RYK: variants seen among roughly 807,000 people sequenced by gnomAD.
The protein encoded by RYK is receptor like tyrosine kinase, also known as inactive tyrosine-protein kinase RYK.
RYK carries 21 observed loss-of-function variants against 70.2 expected under a neutral mutation model. That is an observed-to-expected ratio of 0.30 (90% CI 0.21 to 0.43). The LOEUF (loss-of-function observed/expected upper bound fraction) is 0.43. Among genes scored for constraint, RYK ranks in the 20% least tolerant of loss-of-function variants. The probability of loss-of-function intolerance (pLI) is 1.00; values close to 1 mark genes in which losing one functional copy is unlikely to be tolerated. For missense variants in RYK, 604 were observed against 753.3 expected (o/e 0.80, Z 2.32); for synonymous variants, 267 against 278.0 (o/e 0.96, Z 0.39).
chr3:134,220,941 G>A (rs1039411402), intron 2 of RYK, among the ~76,000 whole-genome samples: 16 of 152,042 alleles, frequency 1.1e-4, no homozygotes, highest in Non-Finnish European at 2.9e-5. Context: ...TCCCATCAAC[G>A]AGGTACTTCA....
At chr3:134,187,747 G>C (rs991134199) in intron 9 of RYK, among the ~76,000 whole-genome samples, 3 of 145,342 alleles carry the variant, frequency 2.1e-5, no homozygotes, top group Non-Finnish European at 3.0e-5. Flanking sequence ...TTGTAGAGAC[G>C]GGGGGTCTTG....
chr3:134,219,712 T>C (rs2014679232), intron 2 of RYK, among the ~76,000 whole-genome samples: 1 of 152,210 alleles, frequency 6.6e-6, no homozygotes, highest in Non-Finnish European at 1.5e-5. Context: ...GCAAGGGAAC[T>C]TAAAATTCAG....
At chr3:134,238,391 G>A (rs1200528531) in intron 1 of RYK, among the ~76,000 whole-genome samples, 2 of 152,190 alleles carry the variant, frequency 1.3e-5, no homozygotes, top group African/African-American at 4.8e-5. Context: ...AGGAGGATTA[G>A]AGAGAGCTTT....
At chr3:134,181,838 G>A (rs1025768922) in intron 10 of RYK, among the ~76,000 whole-genome samples, 3 of 152,132 alleles carry the variant, frequency 2.0e-5, no homozygotes, top group African/African-American at 7.2e-5. Context: ...TTTTGTTACA[G>A]TTCTGTGAAC....
At chr3:134,166,279 C>G (rs905571362) in intron 13 of RYK, among the ~76,000 whole-genome samples, 1 of 152,116 alleles carries the variant, frequency 6.6e-6, no homozygotes, top group African/African-American at 2.4e-5. Context: ...CATGAGGACC[C>G]AGAAGAGAGG....
chr3:134,249,384 AG>A (rs2015547531), intron 1 of RYK, among the ~76,000 whole-genome samples: 1 of 152,226 alleles, frequency 6.6e-6, no homozygotes, highest in African/African-American at 2.4e-5. Flanking sequence ...AAAAAAAAAT[AG>A]AATACTGACA....
intron 3 of RYK, among the ~76,000 whole-genome samples, 199 bp downstream of exon 3, chr3:134,211,307 CAG>C (rs1267972809): frequency 6.6e-6 from 1 of 152,182 alleles, no homozygotes; most frequent in African/African-American, 2.4e-5. Context: ...GGGCGGAGCA[CAG>C]AGAGTTCCAG....
chr3:134,209,345 G>A (rs1186537240), intron 4 of RYK, among the ~76,000 whole-genome samples: 1 of 152,158 alleles, frequency 6.6e-6, no homozygotes, highest in East Asian at 1.9e-4. Context: ...CAATGCTTCT[G>A]CATAAAAGTA....
intron 1 of RYK, among the ~76,000 whole-genome samples, chr3:134,235,047 T>C (rs766583619): frequency 6.6e-6 from 1 of 152,086 alleles, no homozygotes; most frequent in Non-Finnish European, 1.5e-5. Context: ...CAAAATGTGA[T>C]CAGCTATAAG....
chr3:134,215,353 C>T (rs1350990055), intron 2 of RYK, among the ~76,000 whole-genome samples: 1 of 152,154 alleles, frequency 6.6e-6, no homozygotes, highest in Non-Finnish European at 1.5e-5. Context: ...GTGCAAAGGG[C>T]TGAGGAGGAG....
At chr3:134,180,682 G>C (rs186133436) in intron 10 of RYK, 25 of 152,324 alleles carry the variant, frequency 1.6e-4, no homozygotes, top group African/African-American at 6.0e-4. Flanking sequence ...AACAAAATGT[G>C]TGATAGGCCC....
At chr3:134,213,802 A>C (rs910843757) in intron 2 of RYK, among the ~76,000 whole-genome samples, 6 of 151,940 alleles carry the variant, frequency 3.9e-5, no homozygotes. Flanking sequence ...TCTACTTTGA[A>C]GTTTATAACT....
intron 7 of RYK, 25 bp from the exon 8 acceptor site, chr3:134,191,999 A>C: frequency 6.2e-7 from 1 of 1,611,000 alleles, no homozygotes; most frequent in East Asian, 2.2e-5. Context: ...AAGCCAAACC[A>C]AGCAATATAA....
chr3:134,229,294 T>C lies in RYK; in HGVS notation c.233-6755A>G, dbSNP rs547781897. Reference sequence around the variant, plus strand: ...TCCGCCTCGCACTCTCTCTACTGCCTTCTCTCTCTCTCTCTCTCTCTCTTT... The same window carrying C: ...TCCGCCTCGCACTCTCTCTACTGCCCTCTCTCTCTCTCTCTCTCTCTCTTT... On this transcript the variant is annotated intron_variant, in intron 1 of 14. Coordinates refer to ENST00000623711, the MANE Select transcript of RYK (RefSeq NM_002958.4). 2.6e-4 allele frequency among the ~76,000 whole-genome samples: 38 copies of C among 143,890 alleles called. 1 individual carries two copies. In the East Asian group the frequency reaches 7.7e-3, roughly 29 times the overall value. The allele number at this position is 143,890 out of a possible 152,430, so 94.4% of individuals were successfully genotyped here.
At chr3:134,208,552 C>G (rs548944046) in intron 4 of RYK, among the ~76,000 whole-genome samples, 1 of 152,192 alleles carries the variant, frequency 6.6e-6, no homozygotes, top group Non-Finnish European at 1.5e-5. Context: ...GATGCTAACT[C>G]TTCTTTCTTA....
At chr3:134,247,402 T>C (rs2015493930) in intron 1 of RYK, among the ~76,000 whole-genome samples, 1 of 152,192 alleles carries the variant, frequency 6.6e-6, no homozygotes, top group African/African-American at 2.4e-5. Context: ...GAGCCTGCTG[T>C]GTTTGTCAAA....
chr3:134,222,094 A>G (rs991775186), intron 2 of RYK, among the ~76,000 whole-genome samples: 15 of 152,058 alleles, frequency 9.9e-5, no homozygotes, highest in African/African-American at 3.1e-4. Context: ...ATCTCCTTTC[A>G]CCACAGCAGC....
At chr3:134,220,272 A>G (rs1050375966) in intron 2 of RYK, among the ~76,000 whole-genome samples, 2 of 152,204 alleles carry the variant, frequency 1.3e-5, no homozygotes, top group Non-Finnish European at 2.9e-5. Flanking sequence ...AAAATTAGCT[A>G]TGAAGAACAT....
intron 1 of RYK, among the ~76,000 whole-genome samples, chr3:134,238,692 TAG>T (rs765459325): frequency 2.0e-4 from 30 of 152,272 alleles, no homozygotes; most frequent in Non-Finnish European, 3.7e-4. Flanking sequence ...GCACAAATGT[TAG>T]AATACAAGCA....
Sources: gnomAD v4.1 joint callset for allele counts (sites outside exome capture counted in the v4.1 genomes callset) on GRCh38, gnomAD v4.1.1 for gene constraint, MANE v1.5 for transcripts, NCBI Gene and HGNC (gene_info 2026-07-23, HGNC 2026-07-21) for gene names.